The following SMCO4 variants were observed in gnomAD, a reference collection of about 807,000 sequenced individuals.
The protein encoded by SMCO4 is single-pass membrane and coiled-coil domain-containing protein 4.
SMCO4 carries 4 observed loss-of-function variants against 3.6 expected under a neutral mutation model. The ratio of observed to expected loss-of-function variants is 1.11; its 90% CI spans 0.54 to 2.53. The LOEUF (loss-of-function observed/expected upper bound fraction) is 2.53, where lower values mean the gene tolerates loss of function less well. Among genes scored for constraint, SMCO4 ranks in the 30% most tolerant of loss-of-function variants. SMCO4 has a pLI of 0.02. For missense variants in SMCO4, 70 were observed against 80.8 expected (o/e 0.87, Z 0.51); for synonymous variants, 36 against 35.3 (o/e 1.02, Z -0.07).
At chr11:93,514,404 AT>A (rs1565383039) in intron 1 of SMCO4, among the ~76,000 whole-genome samples, 1,689 of 55,592 alleles carry the variant, frequency 0.03, 95 homozygotes, top group South Asian at 0.078. Context: ...ATATATATAT[AT>A]ATATATATAT....
At chr11:93,495,287 C>T (rs572958196) in intron 2 of SMCO4, among the ~76,000 whole-genome samples, 1 of 152,154 alleles carries the variant, frequency 6.6e-6, no homozygotes, top group Admixed American at 6.5e-5. Context: ...CCATTACAAA[C>T]TTTGCTGTAA....
the SMCO4 span, among the ~76,000 whole-genome samples, chr11:93,549,561 G>T: frequency 5.3e-5 from 8 of 151,808 alleles, no homozygotes; most frequent in Non-Finnish European, 8.8e-5. Flanking sequence ...CGATCCTCCT[G>T]CCTCAGCCTC....
upstream of SMCO4, among the ~76,000 whole-genome samples, chr11:93,544,343 T>C (rs1484847359): frequency 1.3e-5 from 2 of 152,206 alleles, no homozygotes; most frequent in Non-Finnish European, 2.9e-5. Context: ...AAAACCTTTA[T>C]ATGTGTGGTA....
intron 1 of SMCO4, among the ~76,000 whole-genome samples, chr11:93,522,222 C>T (rs542677169): frequency 6.6e-6 from 1 of 152,202 alleles, no homozygotes; most frequent in Non-Finnish European, 1.5e-5. Context: ...CATATCCGAT[C>T]TGTGAAGGGT....
intron 1 of SMCO4, chr11:93,535,400 C>G: frequency 1.1e-6 from 1 of 915,364 alleles, no homozygotes; most frequent in Non-Finnish European, 1.7e-6. Flanking sequence ...CAATAAGAAT[C>G]AAGAAGCCAA....
intron 2 of SMCO4, among the ~76,000 whole-genome samples, chr11:93,493,525 C>T (rs988588638): frequency 2.0e-5 from 3 of 152,196 alleles, no homozygotes; most frequent in Non-Finnish European, 2.9e-5. Context: ...CCTGCCATTA[C>T]CGAGTCCTCA....
chr11:93,525,367 G>C (rs1031771023), intron 1 of SMCO4, among the ~76,000 whole-genome samples: 2 of 152,192 alleles, frequency 1.3e-5, no homozygotes, highest in Admixed American at 6.5e-5. Flanking sequence ...TGCATAAAAG[G>C]CAAGGCACAC....
At chr11:93,512,413 A>G (rs1310593531) in intron 1 of SMCO4, among the ~76,000 whole-genome samples, 1 of 152,190 alleles carries the variant, frequency 6.6e-6, no homozygotes, top group Non-Finnish European at 1.5e-5. Context: ...AGAGTGTACA[A>G]TGATGTCCCA....
chr11:93,490,105 C>T (rs556021546), intron 2 of SMCO4, among the ~76,000 whole-genome samples: 2 of 152,166 alleles, frequency 1.3e-5, no homozygotes, highest in African/African-American at 2.4e-5. Flanking sequence ...TAAGATTGCA[C>T]GAAATCCTCT....
At chr11:93,553,165 G>A in the SMCO4 span, among the ~76,000 whole-genome samples, 2 of 152,192 alleles carry the variant, frequency 1.3e-5, no homozygotes, top group East Asian at 3.8e-4. Flanking sequence ...AGTGCTTTTT[G>A]CTGATAGTAC....
chr11:93,492,782 G>C (rs952917506), intron 2 of SMCO4, among the ~76,000 whole-genome samples: 4 of 152,230 alleles, frequency 2.6e-5, no homozygotes, highest in Admixed American at 2.6e-4. Flanking sequence ...AAGGGGACTA[G>C]CCAAGGAGCT....
the SMCO4 span, among the ~76,000 whole-genome samples, chr11:93,549,649 A>G: frequency 6.6e-6 from 1 of 151,528 alleles, no homozygotes; most frequent in Non-Finnish European, 1.5e-5. Context: ...TGTTGAGACA[A>G]GGTCTCACTA....
chr11:93,501,817 T>C (rs1948841535), intron 1 of SMCO4, among the ~76,000 whole-genome samples: 1 of 152,050 alleles, frequency 6.6e-6, no homozygotes, highest in Non-Finnish European at 1.5e-5. Context: ...GCACATGGTG[T>C]ATACTGTACC....
At chr11:93,513,354 C>T (rs906724521) in intron 1 of SMCO4, among the ~76,000 whole-genome samples, 2 of 152,214 alleles carry the variant, frequency 1.3e-5, no homozygotes, top group Non-Finnish European at 2.9e-5. Context: ...AAAACTCAAA[C>T]TTAAACTACA....
At chr11:93,492,334 T>C (rs1042947476) in intron 2 of SMCO4, among the ~76,000 whole-genome samples, 2 of 152,186 alleles carry the variant, frequency 1.3e-5, no homozygotes, top group Admixed American at 1.3e-4. Context: ...GATTGACTGG[T>C]CCATCTGATC....
chr11:93,505,044 A>T (rs1948886234), intron 1 of SMCO4, among the ~76,000 whole-genome samples: 1 of 152,218 alleles, frequency 6.6e-6, no homozygotes, highest in Admixed American at 6.5e-5. Context: ...AACATGAGGC[A>T]CTAAGAGAAA....
chr11:93,551,423 G>A, the SMCO4 span, among the ~76,000 whole-genome samples: 6 of 152,114 alleles, frequency 3.9e-5, no homozygotes, highest in South Asian at 4.2e-4. Context: ...GCAACTTCTC[G>A]GTGCATCATT....
At chr11:93,519,996 C>G (rs889211900) in intron 1 of SMCO4, among the ~76,000 whole-genome samples, 6 of 152,118 alleles carry the variant, frequency 3.9e-5, no homozygotes, top group Non-Finnish European at 7.4e-5. Flanking sequence ...TAAAATCAAG[C>G]AAAGAAAAGC....
intron 2 of SMCO4, among the ~76,000 whole-genome samples, chr11:93,480,621 C>G (rs944356597): frequency 5.3e-5 from 8 of 152,130 alleles, no homozygotes; most frequent in African/African-American, 1.9e-4. Flanking sequence ...TTCTTGGAAG[C>G]AGAAGAGCAC....
Sources: allele counts gnomAD v4.1 joint callset (sites outside exome capture counted in the v4.1 genomes callset), GRCh38; gene constraint gnomAD v4.1.1; transcripts MANE v1.5; gene names NCBI Gene and HGNC (gene_info 2026-07-23, HGNC 2026-07-21).